Variants in LEF1 observed in about 807,000 individuals in gnomAD.
The protein encoded by LEF1 is lymphoid enhancer binding factor 1.
A neutral mutation model predicts 51.2 loss-of-function variants in LEF1; 14 were observed. The ratio of observed to expected loss-of-function variants is 0.27; its 90% CI spans 0.18 to 0.43. The LOEUF is 0.43. LEF1 is among the 20% of genes least tolerant of loss of function. LEF1 has a pLI of 1.00. For synonymous variants in LEF1, 185 were observed against 183.2 expected, an observed-to-expected ratio of 1.01 and a Z score of -0.08; for missense variants, 386 against 512.0, an observed-to-expected ratio of 0.75 and a Z score of 2.37.
At chr4:108,063,727 A>G (rs1371165424) in intron 10 of LEF1, 64 bp from the exon 11 acceptor site, 5 of 1,034,816 alleles carry the variant, frequency 4.8e-6, no homozygotes, top group South Asian at 1.4e-5. Flanking sequence ...CCAAATACGT[A>G]GTAGCTACAA....
chr4:108,051,073 G>A lies in LEF1; in HGVS notation c.*7-2322C>T, dbSNP rs1004448585. On this transcript the variant is annotated intron_variant, in intron 11 of 11. Transcript: ENST00000265165. ...TAGCCATTTACCTAAAGGATAGTAT[G>A]TCACTTGCCAAGAAAGAGTCTATAT... 3.9e-5 allele frequency among the ~76,000 whole-genome samples: 6 copies of A among 152,184 alleles called. 1 individual carries two copies. In the East Asian group the frequency reaches 7.7e-4, roughly 20 times the overall value.
intron 3 of LEF1, among the ~76,000 whole-genome samples, chr4:108,111,746 T>C (rs1741546108): frequency 6.6e-6 from 1 of 151,998 alleles, no homozygotes; most frequent in Admixed American, 6.6e-5. Context: ...ACTCTGTCTC[T>C]ACAAAAAAAT....
chr4:108,084,807 T>G (rs1487904546), intron 4 of LEF1, among the ~76,000 whole-genome samples: 1 of 152,092 alleles, frequency 6.6e-6, no homozygotes, highest in Admixed American at 6.6e-5. Flanking sequence ...TAGGATTTTT[T>G]TGGGGTGGGG....
intron 3 of LEF1, among the ~76,000 whole-genome samples, chr4:108,099,518 GTA>G (rs34224822): frequency 0.56 from 59,202 of 104,962 alleles, 18,663 homozygotes; most frequent in Middle Eastern, 0.72. Flanking sequence ...ATATGTGTAT[GTA>G]TATATATATA....
At chr4:108,051,752 C>T (rs73838302) in intron 11 of LEF1, among the ~76,000 whole-genome samples, 2,388 of 152,100 alleles carry the variant, frequency 0.016, 59 homozygotes, top group African/African-American at 0.055. Context: ...CCCCCTGATG[C>T]TCTCCTGGAC....
At chr4:108,109,960 G>A (rs1322218444) in intron 3 of LEF1, among the ~76,000 whole-genome samples, 1 of 152,116 alleles carries the variant, frequency 6.6e-6, no homozygotes, top group Non-Finnish European at 1.5e-5. Flanking sequence ...GTTCACGGGA[G>A]CTTTACCAAT....
intron 8 of LEF1, among the ~76,000 whole-genome samples, chr4:108,071,376 A>G (rs1738464245): frequency 6.6e-6 from 1 of 152,140 alleles, no homozygotes. Context: ...GACAACACTG[A>G]TGACACTGTC....
chr4:108,158,546 GT>G (rs1346775378), intron 3 of LEF1, among the ~76,000 whole-genome samples: 8 of 152,054 alleles, frequency 5.3e-5, no homozygotes, highest in Non-Finnish European at 2.9e-5. Flanking sequence ...GTGCTGGCAT[GT>G]TTTCTCTTTA....
At chr4:108,137,242 A>G (rs1222535273) in intron 3 of LEF1, among the ~76,000 whole-genome samples, 1 of 152,190 alleles carries the variant, frequency 6.6e-6, no homozygotes, top group East Asian at 1.9e-4. Flanking sequence ...AGAATAATAC[A>G]ATGGACTTTG....
chr4:108,110,900 T>C (rs1652952010), intron 3 of LEF1, among the ~76,000 whole-genome samples: 1 of 152,164 alleles, frequency 6.6e-6, no homozygotes, highest in South Asian at 2.1e-4. Context: ...ATCTCTGAAA[T>C]CTGTCCAGAC....
chr4:108,089,171 T>C lies in LEF1; in HGVS notation c.501A>G (p.Pro167=), dbSNP rs1189874471. Residue 167 remains proline (P), a synonymous_variant, in exon 4 of 12, where the codon CCA becomes CCG. Transcript: ENST00000265165. ...ATGGGATGTGTGACGGGTGTGATCC[T>C]GGAGAAAAGTGCTCGTCACTGTAAG... is the stretch of plus-strand genomic sequence containing the variant. ...LITYSDEHFS[P]GSHPSHIPSD... is the part of the protein sequence containing the mutation. 3 of 1,614,110 alleles carry C rather than the reference T, an allele frequency of 1.9e-6. No individual in the cohort carries two copies. The highest frequency in any genetic ancestry group is 1.7e-5 in the Admixed American group (1 of 60,010).
chr4:108,099,979 A>G lies in LEF1; in HGVS notation c.415-10722T>C, dbSNP rs1426576859. On this transcript the variant is annotated intron_variant, in intron 3 of 11. Coordinates refer to ENST00000265165, the MANE Select transcript of LEF1 (RefSeq NM_016269.5). ...TTCATTACAAGTTACTGATGAACTC[A>G]TTCCTTGACAAGTAACCATCTTTTC... 5.9e-5 allele frequency among the ~76,000 whole-genome samples: 9 copies of G among 152,282 alleles called. No individual in the cohort carries two copies. In the East Asian group the frequency reaches 1.7e-3, roughly 29 times the overall value.
chr4:108,074,700 A>C (rs150412841), intron 8 of LEF1, among the ~76,000 whole-genome samples: 2 of 152,202 alleles, frequency 1.3e-5, no homozygotes, highest in Non-Finnish European at 2.9e-5. Flanking sequence ...TTAATCAAAG[A>C]TCTCAGAGAC....
At chr4:108,129,049 T>G (rs1374002225) in intron 3 of LEF1, among the ~76,000 whole-genome samples, 1 of 152,178 alleles carries the variant, frequency 6.6e-6, no homozygotes, top group African/African-American at 2.4e-5. Flanking sequence ...GCTTCATCAG[T>G]TCCTCCTTTC....
chr4:108,070,624 G>GTC, intron 9 of LEF1, 39 bp downstream of exon 9: 1 of 1,322,754 alleles, frequency 7.6e-7, no homozygotes, highest in Non-Finnish European at 1.1e-6. Context: ...GAGCGAATGA[G>GTC]TGAGAGTGGA....
At chr4:108,127,890 T>G (rs2110345655) in intron 3 of LEF1, among the ~76,000 whole-genome samples, 1 of 152,282 alleles carries the variant, frequency 6.6e-6, no homozygotes, top group Non-Finnish European at 1.5e-5. Flanking sequence ...CTTGCATCCC[T>G]TTTTCTGGAG....
At chr4:108,109,673 C>T (rs1741398246) in intron 3 of LEF1, among the ~76,000 whole-genome samples, 1 of 152,228 alleles carries the variant, frequency 6.6e-6, no homozygotes, top group Non-Finnish European at 1.5e-5. Context: ...GATATTACCA[C>T]TCCCATCTAA....
chr4:108,162,156 C>T (rs1745102707), intron 3 of LEF1, among the ~76,000 whole-genome samples: 1 of 152,070 alleles, frequency 6.6e-6, no homozygotes, highest in South Asian at 2.1e-4. Context: ...TCATTAAATA[C>T]TTGAAAAGCC....
intron 9 of LEF1, among the ~76,000 whole-genome samples, chr4:108,069,874 C>T (rs1738338857): frequency 6.6e-6 from 1 of 151,566 alleles, no homozygotes; most frequent in Admixed American, 6.6e-5. Context: ...AGAAGAATCG[C>T]TTGAACCCAG....
Sources: gnomAD v4.1 joint callset for allele counts (sites outside exome capture counted in the v4.1 genomes callset) on GRCh38, gnomAD v4.1.1 for gene constraint, MANE v1.5 for transcripts, NCBI Gene and HGNC (gene_info 2026-07-23, HGNC 2026-07-21) for gene names.